TWSG1: variants seen among roughly 807,000 people sequenced by gnomAD.
TWSG1 encodes the protein twisted gastrulation protein homolog 1.
TWSG1 carries 15 observed loss-of-function variants against 23.0 expected under a neutral mutation model. That is an observed-to-expected ratio of 0.65 (90% confidence interval 0.44 to 1.00). The LOEUF (loss-of-function observed/expected upper bound fraction) is 1.00. Among genes scored for constraint, TWSG1 ranks in the 50% least tolerant of loss-of-function variants. The probability of loss-of-function intolerance (pLI) is 0.00; values close to 1 mark genes in which losing one functional copy is unlikely to be tolerated. For missense variants in TWSG1, 242 were observed against 278.7 expected, an observed-to-expected ratio of 0.87 and a Z score of 0.94; for synonymous variants, 86 against 92.8, an observed-to-expected ratio of 0.93 and a Z score of 0.42.
At chr18:9,396,917 G>T (rs1053209777) in intron 4 of TWSG1, 14 of 238,970 alleles carry the variant, frequency 5.9e-5, no homozygotes, top group Non-Finnish European at 9.6e-5. Context: ...AAATTAGCCG[G>T]GTGTGGTGGC....
At chr18:9,371,934 G>A (rs1568036298) in intron 3 of TWSG1, among the ~76,000 whole-genome samples, 1 of 150,310 alleles carries the variant, frequency 6.7e-6, no homozygotes, top group South Asian at 2.1e-4. Context: ...CTCGGCTAAT[G>A]TTTTGTATTT....
intron 3 of TWSG1, among the ~76,000 whole-genome samples, chr18:9,367,571 A>G (rs1271166200): frequency 6.6e-6 from 1 of 152,182 alleles, no homozygotes; most frequent in Non-Finnish European, 1.5e-5. Context: ...ACCGGGCCAC[A>G]TAGAAGGAGG....
At chr18:9,396,749 C>T in intron 4 of TWSG1, 2 of 645,372 alleles carry the variant, frequency 3.1e-6, no homozygotes, top group South Asian at 2.2e-5. Flanking sequence ...AAAAATATCT[C>T]CAATCCTTGA....
chr18:9,365,261 G>A (rs1197378982), intron 3 of TWSG1, among the ~76,000 whole-genome samples: 1 of 152,188 alleles, frequency 6.6e-6, no homozygotes, highest in Admixed American at 6.5e-5. Flanking sequence ...GGTCAAGGCT[G>A]CAGTGAGCTC....
chr18:9,344,644 T>C (rs1258957784), intron 2 of TWSG1, among the ~76,000 whole-genome samples: 5 of 150,610 alleles, frequency 3.3e-5, no homozygotes, highest in African/African-American at 1.2e-4. Flanking sequence ...TCCTCCCACC[T>C]CAGTCTCCCA....
intron 3 of TWSG1, among the ~76,000 whole-genome samples, 157 bp from the exon 4 acceptor site, chr18:9,396,123 A>C (rs570025844): frequency 6.7e-6 from 1 of 148,772 alleles, no homozygotes; most frequent in Non-Finnish European, 1.5e-5. Flanking sequence ...GGGTAGAAGA[A>C]TATCATCATT....
intron 3 of TWSG1, among the ~76,000 whole-genome samples, chr18:9,382,814 A>AAAAAAAC (rs372801301): frequency 0.24 from 33,040 of 136,768 alleles, 4,226 homozygotes; most frequent in East Asian, 0.28. Flanking sequence ...CTCAAAAAAA[A>AAAAAAAC]AAAAACAAAA....
intron 3 of TWSG1, among the ~76,000 whole-genome samples, chr18:9,389,392 T>C (rs1403633717): frequency 6.6e-6 from 1 of 152,224 alleles, no homozygotes; most frequent in Non-Finnish European, 1.5e-5. Context: ...TAGATATAGT[T>C]ATTAGAAAGA....
At chr18:9,387,373 A>C (rs2040689224) in intron 3 of TWSG1, among the ~76,000 whole-genome samples, 1 of 152,240 alleles carries the variant, frequency 6.6e-6, no homozygotes, top group Admixed American at 6.5e-5. Flanking sequence ...AGTGGAGAGA[A>C]TAGCATAATG....
At chr18:9,395,044 CAT>C (rs2040728626) in intron 3 of TWSG1, among the ~76,000 whole-genome samples, 1 of 152,180 alleles carries the variant, frequency 6.6e-6, no homozygotes, top group African/African-American at 2.4e-5. Flanking sequence ...TATCCACGAA[CAT>C]GTGATGCGTT....
chr18:9,396,708 C>A, intron 4 of TWSG1, 162 bp downstream of exon 4: 2 of 851,298 alleles, frequency 2.3e-6, no homozygotes, highest in Non-Finnish European at 3.5e-6. Flanking sequence ...CCCATCATAT[C>A]TAGAGGCACA....
chr18:9,383,474 G>T (rs2040668690), intron 3 of TWSG1, among the ~76,000 whole-genome samples: 1 of 152,176 alleles, frequency 6.6e-6, no homozygotes, highest in African/African-American at 2.4e-5. Flanking sequence ...TTACAGGCAT[G>T]AGCCACTGCA....
At chr18:9,353,994 T>C (rs1202963876) in intron 2 of TWSG1, among the ~76,000 whole-genome samples, 4 of 152,256 alleles carry the variant, frequency 2.6e-5, no homozygotes, top group African/African-American at 7.2e-5. Flanking sequence ...GTGAAAGATA[T>C]AATAATGCCT....
chr18:9,373,034 A>G (rs2040612908), intron 3 of TWSG1, among the ~76,000 whole-genome samples: 1 of 152,180 alleles, frequency 6.6e-6, no homozygotes, highest in Non-Finnish European at 1.5e-5. Flanking sequence ...ATACAGACAT[A>G]TAGATTAAAA....
intron 2 of TWSG1, among the ~76,000 whole-genome samples, chr18:9,345,000 C>T (rs749658014): frequency 5.9e-5 from 9 of 152,122 alleles, no homozygotes; most frequent in Non-Finnish European, 1.0e-4. Flanking sequence ...CTCAAGTGAT[C>T]GTCCTGTCTT....
At chr18:9,373,075 A>G (rs2040613133) in intron 3 of TWSG1, among the ~76,000 whole-genome samples, 1 of 152,242 alleles carries the variant, frequency 6.6e-6, no homozygotes, top group Non-Finnish European at 1.5e-5. Context: ...ATACAATGGT[A>G]ACACTAATCG....
chr18:9,339,134 G>A (rs565899616), intron 2 of TWSG1, among the ~76,000 whole-genome samples: 1 of 152,040 alleles, frequency 6.6e-6, no homozygotes, highest in South Asian at 2.1e-4. Context: ...GAGCCCAGGA[G>A]GTTGAGGCTG....
chr18:9,375,409 T>C (rs1383220765), intron 3 of TWSG1, among the ~76,000 whole-genome samples: 4 of 152,122 alleles, frequency 2.6e-5, no homozygotes, highest in African/African-American at 4.8e-5. Flanking sequence ...ACTGGAAGCT[T>C]TCCCACTATA....
At chr18:9,376,052 T>TTACA (rs1443265376) in intron 3 of TWSG1, among the ~76,000 whole-genome samples, 1 of 152,094 alleles carries the variant, frequency 6.6e-6, no homozygotes, top group African/African-American at 2.4e-5. Flanking sequence ...GTATCTGGGA[T>TTACA]TACAGGTGCC....
Sources: allele counts gnomAD v4.1 joint callset (sites outside exome capture counted in the v4.1 genomes callset), GRCh38; gene constraint gnomAD v4.1.1; transcripts MANE v1.5; gene names NCBI Gene and HGNC (gene_info 2026-07-23, HGNC 2026-07-21).